METAP2: variants seen among roughly 807,000 people sequenced by gnomAD.
The protein encoded by METAP2 is methionine aminopeptidase 2.
METAP2 carries 25 observed loss-of-function variants against 59.4 expected under a neutral mutation model. That is an observed-to-expected ratio of 0.42 (90% CI 0.31 to 0.59). METAP2 has a LOEUF of 0.59. METAP2 is among the 20% of genes least tolerant of loss of function. The pLI is 0.16. For missense variants in METAP2, 366 were observed against 581.2 expected (o/e 0.63, Z 3.81); for synonymous variants, 214 against 194.1 (o/e 1.10, Z -0.85).
chr12:95,481,270 GTA>G (rs933485321), intron 2 of METAP2, among the ~76,000 whole-genome samples: 21 of 152,266 alleles, frequency 1.4e-4, no homozygotes, highest in African/African-American at 5.1e-4. Flanking sequence ...CATTAGCCAG[GTA>G]TAGTGGTGCG....
At position 95,474,217 on chromosome 12, in the gene METAP2, A is replaced by C; in HGVS notation, c.38A>C (p.His13Pro). Residue 13 changes from histidine (H) to proline (P), a missense_variant, in exon 1 of 11, where the codon CAC (histidine) becomes CCC (proline). Around this residue, in one of 4 missense-constraint regions of METAP2, gnomAD observed 177 missense variants for 180.3 expected, o/e 0.98. Transcript: ENST00000323666. ...GAGGAGGTAGCGGCCTCCGGGAGCC[A>C]CCTGAATGGCGACCTGGATCCAGAC... Reference protein sequence around the residue: ...GVEEVAASGSHLNGDLDPDDR... With the variant: ...GVEEVAASGSPLNGDLDPDDR... 6.2e-7 allele frequency: 1 copy of C among 1,614,184 alleles called. No homozygotes were observed. The highest frequency in any genetic ancestry group is 1.6e-4 in the Middle Eastern group (1 of 6,062).
intron 2 of METAP2, among the ~76,000 whole-genome samples, chr12:95,477,326 A>G (rs2769435): frequency 0.079 from 11,981 of 152,072 alleles, 651 homozygotes; most frequent in Non-Finnish European, 0.12. Context: ...CCTGACCTCA[A>G]GTAATCTGCC....
chr12:95,494,112 G>A lies in METAP2; in HGVS notation c.485G>A (p.Ser162Asn), dbSNP rs753363029. 1 of 1,613,940 alleles carries A rather than the reference G, an allele frequency of 6.2e-7. No homozygotes were observed. The highest frequency in any genetic ancestry group is 1.3e-5 in the African/African-American group (1 of 74,934). ...SEEKKALDQA[S>N]EEIWNDFREA... ...GAAAAGAAAGCATTAGATCAGGCAA[G>A]TGAAGAGATTTGGAATGATTTTCGA... The change falls in exon 5 of 11, where the codon AGT becomes AAT. Residue 162 changes from serine (S) to asparagine (N), a missense_variant. Ser to Asn is a conservative substitution (Grantham distance 46, BLOSUM62 1). This residue lies in a region of METAP2 where 106 missense variants were observed against 221.9 expected (regional missense o/e 0.48). Coordinates refer to ENST00000323666, the MANE Select transcript of METAP2 (RefSeq NM_006838.4).
rs1281800531 is a variant in METAP2 at position 95,483,229 on chromosome 12, G to A, written c.274G>A (p.Gly92Arg). ...DEDDEDGDGDGDGATGKKKKK... is the reference protein window; with the variant it reads ...DEDDEDGDGDRDGATGKKKKK... ...TCTTTTCTTAGATGGAGATGGCGAT[G>A]GAGATGGAGCAACTGGAAAGAAGAA... Residue 92 changes from glycine (G) to arginine (R), a missense_variant, in exon 3 of 11, where the codon GGA becomes AGA. Transcript: ENST00000323666. The A allele has an allele frequency of 8.7e-6, 14 of 1,612,888 alleles. No individual in the cohort carries two copies. Among genetic ancestry groups the A allele is most frequent in the Middle Eastern group, 1.6e-4 (1 of 6,082 alleles).
intron 4 of METAP2, 51 bp downstream of exon 4, chr12:95,486,032 G>C: frequency 8.1e-7 from 1 of 1,232,904 alleles, no homozygotes; most frequent in Non-Finnish European, 1.2e-6. Context: ...TTATAGCTTA[G>C]CAATAAAGCA....
At chr12:95,474,439 A>G (rs2076102507) in intron 1 of METAP2, 109 bp downstream of exon 1, 1 of 1,215,532 alleles carries the variant, frequency 8.2e-7, no homozygotes, top group African/African-American at 1.5e-5. Context: ...GACTAGACTG[A>G]TTCTTGGGCC....
intron 7 of METAP2, among the ~76,000 whole-genome samples, chr12:95,503,500 CAG>C (rs1400469482): frequency 3.9e-5 from 6 of 152,112 alleles, no homozygotes; most frequent in African/African-American, 7.2e-5. Flanking sequence ...ACTTCAGCCA[CAG>C]GGGTGTGTAA....
chr12:95,491,551 C>T (rs952519603), intron 4 of METAP2, among the ~76,000 whole-genome samples: 11 of 152,200 alleles, frequency 7.2e-5, no homozygotes, highest in African/African-American at 2.7e-4. Flanking sequence ...CATTCTGTCG[C>T]CCAGGCTGGA....
At chr12:95,500,631 A>G (rs1273696509) in intron 7 of METAP2, among the ~76,000 whole-genome samples, 2 of 152,158 alleles carry the variant, frequency 1.3e-5, no homozygotes, top group African/African-American at 2.4e-5. Context: ...TTCTGCATCA[A>G]TTCAGACAGT....
chr12:95,497,012 A>G (rs969137697), intron 7 of METAP2, among the ~76,000 whole-genome samples: 1 of 151,720 alleles, frequency 6.6e-6, no homozygotes, highest in Non-Finnish European at 1.5e-5. Flanking sequence ...TCTAGTAGAG[A>G]TGGGGTTTCA....
At chr12:95,497,071 C>T (rs537088650) in intron 7 of METAP2, among the ~76,000 whole-genome samples, 8 of 152,140 alleles carry the variant, frequency 5.3e-5, no homozygotes, top group African/African-American at 1.4e-4. Flanking sequence ...GTGATCCTCC[C>T]GCCTTGGCCT....
chr12:95,504,026 G>C, intron 7 of METAP2, 39 bp from the exon 8 acceptor site: 1 of 1,479,122 alleles, frequency 6.8e-7, no homozygotes, highest in Non-Finnish European at 9.3e-7. Context: ...TGAAAATTTT[G>C]CACTTTGAAT....
chr12:95,486,514 T>G (rs78077403), intron 4 of METAP2, among the ~76,000 whole-genome samples: 1 of 152,000 alleles, frequency 6.6e-6, no homozygotes, highest in Non-Finnish European at 1.5e-5. Flanking sequence ...TTTTTTTTTT[T>G]GAGACAGAGT....
In METAP2 at chr12:95,474,167, T is replaced by C. The variant is rs1036266097; in HGVS notation, c.-13T>C. 6.2e-6 allele frequency: 10 copies of C among 1,612,684 alleles called. No individual in the cohort carries two copies. The highest frequency in any genetic ancestry group is 8.5e-6 in the Non-Finnish European group (10 of 1,179,432). On this transcript the variant is annotated 5_prime_UTR_variant, in exon 1 of 11. Transcript: ENST00000323666. The stretch of plus-strand genomic sequence containing the variant: ...GCCGCTCTGTCTCATTCCCTCGCGC[T>C]CTCTCGGGCAACATGGCGGGTGTGG...
intron 5 of METAP2, 148 bp downstream of exon 5, chr12:95,494,365 CTA>C: frequency 2.5e-6 from 2 of 811,108 alleles, no homozygotes; most frequent in Non-Finnish European, 3.7e-6. Flanking sequence ...TTTAGTGTCA[CTA>C]TGAGAAAACC....
chr12:95,496,821 C>CTTTTTTT (rs777002045), intron 7 of METAP2, among the ~76,000 whole-genome samples: 20 of 100,932 alleles, frequency 2.0e-4, no homozygotes, highest in South Asian at 7.1e-4. Flanking sequence ...CTTTTTCTTT[C>CTTTTTTT]TTTTTTTTTT....
chr12:95,481,694 T>C lies in METAP2; in HGVS notation c.260-1521T>C, dbSNP rs375507909. ...GGACCTTTTTGTTCCATTTTAAAGATGAAGAAACCAGGGTAGAGGGAGGCT... is the reference window on the plus strand; with the variant it reads ...GGACCTTTTTGTTCCATTTTAAAGACGAAGAAACCAGGGTAGAGGGAGGCT... On this transcript the variant is annotated intron_variant, in intron 2 of 10. Coordinates refer to ENST00000323666, the MANE Select transcript of METAP2 (RefSeq NM_006838.4). Among the ~76,000 whole-genome samples, 125 of 152,280 alleles carry C rather than the reference T, an allele frequency of 8.2e-4. No individual in the cohort carries two copies. In the South Asian group the frequency reaches 0.026, roughly 31 times the overall value.
intron 4 of METAP2, among the ~76,000 whole-genome samples, chr12:95,488,437 A>G (rs187418510): frequency 1.4e-5 from 2 of 144,522 alleles, no homozygotes; most frequent in African/African-American, 5.2e-5. Flanking sequence ...TGAACACAGG[A>G]GATGGAGGTT....
At position 95,509,064 on chromosome 12, in the gene METAP2, A is replaced by G. The variant is rs146309699; in HGVS notation, c.965-2831A>G. Reference sequence around the variant, plus strand: ...TCTTAATCTCCTTTGATCAGGAAGCAATAGAATTAAAAAGTGATTGTTAAC... The same window carrying G: ...TCTTAATCTCCTTTGATCAGGAAGCGATAGAATTAAAAAGTGATTGTTAAC... On this transcript the variant is annotated intron_variant, in intron 8 of 10. Coordinates refer to ENST00000323666, the MANE Select transcript of METAP2 (RefSeq NM_006838.4). Among the ~76,000 whole-genome samples, 3 of 152,332 alleles carry G rather than the reference A, an allele frequency of 2.0e-5. No homozygotes were observed. In the East Asian group the frequency reaches 5.8e-4, roughly 29 times the overall value.
Sources: allele counts gnomAD v4.1 joint callset (sites outside exome capture counted in the v4.1 genomes callset), GRCh38; gene constraint gnomAD v4.1.1; regional missense constraint gnomAD v4.1.1; transcripts MANE v1.5; gene names NCBI Gene and HGNC (gene_info 2026-07-23, HGNC 2026-07-21).